Variants in RAI1 observed in about 807,000 individuals in gnomAD.
RAI1 encodes retinoic acid-induced protein 1.
A neutral mutation model predicts 123.8 loss-of-function variants in RAI1; 9 were observed. The ratio of observed to expected loss-of-function variants is 0.07; its 90% CI spans 0.04 to 0.13. The LOEUF is 0.13. RAI1 is among the 10% of genes least tolerant of loss of function. RAI1 has a pLI of 1.00. For missense variants in RAI1, 2,256 were observed against 2,545.8 expected (o/e 0.89, Z 2.45); for synonymous variants, 1,231 against 1,127.3 (o/e 1.09, Z -1.84).
chr17:17,748,898 C>T (rs1027256100), intron 2 of RAI1, among the ~76,000 whole-genome samples: 1 of 152,162 alleles, frequency 6.6e-6, no homozygotes, highest in African/African-American at 2.4e-5. Context: ...CCTCCTCTAG[C>T]TGCACCCCCC....
intron 2 of RAI1, chr17:17,778,412 G>A (rs142117889): frequency 3.3e-5 from 9 of 269,320 alleles, no homozygotes; most frequent in Non-Finnish European, 5.2e-5. Context: ...ATCCCATTTC[G>A]TCCCACAACA....
rs1453925447 is a variant in RAI1 at position 17,797,724 on chromosome 17, C to T, written c.4776C>T (p.Thr1592=). 6.2e-7 allele frequency: 1 copy of T among 1,613,770 alleles called. No homozygotes were observed. ...SCKRLRSDSR[T]PAFSPFVRVE... Reference sequence around the variant, plus strand: ...AGCGGCTGAGGTCAGACAGCCGGACCCCCGCCTTCTCACCCTTCGTGCGGG... The same window carrying T: ...AGCGGCTGAGGTCAGACAGCCGGACTCCCGCCTTCTCACCCTTCGTGCGGG... Residue 1592 remains threonine, a synonymous_variant, in exon 3 of 6, where the codon ACC becomes ACT. Coordinates refer to ENST00000353383, the MANE Select transcript of RAI1 (RefSeq NM_030665.4).
At chr17:17,728,064 T>A (rs1006338758) in intron 2 of RAI1, among the ~76,000 whole-genome samples, 2 of 150,982 alleles carry the variant, frequency 1.3e-5, no homozygotes, top group African/African-American at 4.9e-5. Context: ...TGTGTGTCCG[T>A]CCCTGTGTGT....
In RAI1 at chr17:17,810,623, G is replaced by A. The variant is rs563270263; in HGVS notation, c.*642G>A. The A allele has an allele frequency of 3.5e-4, 115 of 331,348 alleles. No homozygotes were observed. Among genetic ancestry groups the A allele is most frequent in the African/African-American group, 2.3e-3 (106 of 45,334 alleles). The allele number at this position is 331,348 out of a possible 1,614,324, so 20.5% of individuals were successfully genotyped here. ...CCAGCCTTTGCCAGATCTCTCGTGC[G>A]GTTCGGGCAAAGCCGGGGTAGACCT... On this transcript the variant is annotated 3_prime_UTR_variant, in exon 6 of 6. Coordinates refer to ENST00000353383, the MANE Select transcript of RAI1 (RefSeq NM_030665.4). This position sits in a 1 kb window ranked among gnomAD's most constrained non-coding sequence, Gnocchi z 4.6.
chr17:17,701,489 G>T (rs1271028552), intron 1 of RAI1, among the ~76,000 whole-genome samples: 1 of 152,062 alleles, frequency 6.6e-6, no homozygotes, highest in Non-Finnish European at 1.5e-5. Context: ...TTCTCTTTTT[G>T]CAGAGGGAAG....
chr17:17,696,578 G>A (rs1212383199), intron 1 of RAI1, among the ~76,000 whole-genome samples: 1 of 152,254 alleles, frequency 6.6e-6, no homozygotes, highest in Admixed American at 6.5e-5. Flanking sequence ...ATTTCTGGGG[G>A]TGATTTGTTG....
rs889720092 is a variant in RAI1, at chr17:17,714,496, T to C, written c.-148-9532T>C. Among the ~76,000 whole-genome samples, 1 of 152,200 alleles carries C rather than the reference T, an allele frequency of 6.6e-6. No individual in the cohort carries two copies. Among genetic ancestry groups the C allele is most frequent in the Non-Finnish European group, 1.5e-5 (1 of 68,032 alleles). ...AGGAGGGAATGATAATCATCAGTGC[T>C]AACATTTACGGAGGGCTTGTGGCGT... is the stretch of plus-strand genomic sequence containing the variant. On this transcript the variant is annotated intron_variant, in intron 1 of 5. Transcript: ENST00000353383. The surrounding 1 kb of genome is among the most constrained non-coding windows in gnomAD (Gnocchi z 4.9).
At chr17:17,808,890 G>A (rs970938424) in intron 4 of RAI1, among the ~76,000 whole-genome samples, 6 of 152,184 alleles carry the variant, frequency 3.9e-5, no homozygotes, top group East Asian at 1.9e-4. Context: ...CTACCAGTCC[G>A]TCCACAGGGG....
At chr17:17,772,689 GAA>G (rs1265376067) in intron 2 of RAI1, among the ~76,000 whole-genome samples, 1 of 152,190 alleles carries the variant, frequency 6.6e-6, no homozygotes, top group Non-Finnish European at 1.5e-5. Context: ...GGTCTCAGGT[GAA>G]GTGTCACTCC....
At chr17:17,760,376 C>G (rs567298932) in intron 2 of RAI1, among the ~76,000 whole-genome samples, 4 of 151,958 alleles carry the variant, frequency 2.6e-5, no homozygotes, top group East Asian at 3.9e-4. Flanking sequence ...CCCATACATC[C>G]TGCATACTCG....
chr17:17,732,570 C>T (rs909878824), intron 2 of RAI1, among the ~76,000 whole-genome samples: 4 of 152,180 alleles, frequency 2.6e-5, no homozygotes, highest in African/African-American at 9.7e-5. Flanking sequence ...CTCTTCCTCC[C>T]TCATTAATCC....
rs984014328 is a variant in RAI1 at position 17,797,094 on chromosome 17, G to A, written c.4146G>A (p.Leu1382=). The A allele has an allele frequency of 1.9e-6, 3 of 1,614,060 alleles. No homozygotes were observed. Among genetic ancestry groups the A allele is most frequent in the Non-Finnish European group, 2.5e-6 (3 of 1,180,046 alleles). ...GCCCAGTGGGGGTGGAAGAAGGCCT[G>A]GTAAATGTGGGCACCGGGCAGAAGC... ...GGSPVGVEEG[L]VNVGTGQKLP... The change falls in exon 3 of 6, where the codon CTG becomes CTA. Residue 1382 remains leucine, a synonymous_variant. Coordinates refer to ENST00000353383, the MANE Select transcript of RAI1 (RefSeq NM_030665.4).
At chr17:17,688,224 T>C (rs1914707296) in intron 1 of RAI1, among the ~76,000 whole-genome samples, 1 of 149,424 alleles carries the variant, frequency 6.7e-6, no homozygotes, top group South Asian at 2.1e-4. Flanking sequence ...GTGGCTTACG[T>C]CTATAATCCC....
At chr17:17,702,984 C>T (rs367737793) in intron 1 of RAI1, among the ~76,000 whole-genome samples, 1 of 152,356 alleles carries the variant, frequency 6.6e-6, no homozygotes, top group East Asian at 1.9e-4. Context: ...GGGGCCCTGC[C>T]TTTCAACTTC....
At chr17:17,808,597 G>A (rs2032646498) in intron 4 of RAI1, among the ~76,000 whole-genome samples, 1 of 151,870 alleles carries the variant, frequency 6.6e-6, no homozygotes, top group African/African-American at 2.4e-5. Flanking sequence ...ACAGGCATGC[G>A]CCACCATGCT....
At chr17:17,740,518 G>A (rs1486238289) in intron 2 of RAI1, among the ~76,000 whole-genome samples, 10 of 152,318 alleles carry the variant, frequency 6.6e-5, no homozygotes, top group Middle Eastern at 3.4e-3. Context: ...CCGTGCTGGG[G>A]GCTTCGAATA....
rs1227215820 is a variant in RAI1 at position 17,799,784 on chromosome 17, T to G, written c.5565+1271T>G. Among the ~76,000 whole-genome samples the G allele has an allele frequency of 5.5e-5, 8 of 146,414 alleles. No homozygotes were observed. The highest frequency in any genetic ancestry group is 7.5e-5 in the Non-Finnish European group (5 of 66,648). Reference sequence around the variant, plus strand: ...GCTTCGCCCCTCCCCCTGCCCAGCCTCCTCCCCCGTCGCTGCACTGCCCAC... The same window carrying G: ...GCTTCGCCCCTCCCCCTGCCCAGCCGCCTCCCCCGTCGCTGCACTGCCCAC... On this transcript the variant is annotated intron_variant, in intron 3 of 5. Coordinates refer to ENST00000353383, the MANE Select transcript of RAI1 (RefSeq NM_030665.4). This position sits in a 1 kb window ranked among gnomAD's most constrained non-coding sequence, Gnocchi z 4.5.
rs1327562282 is a variant in RAI1, at chr17:17,796,072, G to A, written c.3124G>A (p.Gly1042Arg). The change falls in exon 3 of 6, where the codon GGA becomes AGA. Residue 1042 changes from glycine (G) to arginine (R), a missense_variant. Gly to Arg is a moderately radical substitution (Grantham distance 125). This residue lies in a region of RAI1 where 566 missense variants were observed against 616.0 expected (regional missense o/e 0.92). Coordinates refer to ENST00000353383, the MANE Select transcript of RAI1 (RefSeq NM_030665.4). The surrounding 1 kb of genome is among the most constrained non-coding windows in gnomAD (Gnocchi z 5.8). ...CCCCCAGGGACAGATGGAAGGGGCT[G>A]GAGCCCCAGGCCGGGGGGCCTCGGA... is the stretch of plus-strand genomic sequence containing the variant. ...GPPQGQMEGAGAPGRGASEGL... is the reference protein window; with the variant it reads ...GPPQGQMEGARAPGRGASEGL... 3 of 1,581,104 alleles carry A rather than the reference G, an allele frequency of 1.9e-6. No homozygotes were observed. Among genetic ancestry groups the A allele is most frequent in the East Asian group, 4.6e-5 (2 of 43,308 alleles).
chr17:17,702,346 C>A (rs1915248898), intron 1 of RAI1, among the ~76,000 whole-genome samples: 2 of 152,240 alleles, frequency 1.3e-5, no homozygotes, highest in Admixed American at 1.3e-4. Flanking sequence ...CCACCCACCT[C>A]ATCCCAGGAT....
Sources: gnomAD v4.1 joint callset for allele counts (sites outside exome capture counted in the v4.1 genomes callset) on GRCh38, gnomAD v4.1.1 for gene constraint, gnomAD v4.1.1 regional missense constraint, Gnocchi (gnomAD v3.1) non-coding constraint, MANE v1.5 for transcripts, NCBI Gene and HGNC (gene_info 2026-07-23, HGNC 2026-07-21) for gene names.